The following SIPA1L1 variants were observed in gnomAD, a reference collection of about 807,000 sequenced individuals.
The protein encoded by SIPA1L1 is signal induced proliferation associated 1 like 1.
In SIPA1L1, 26 loss-of-function variants were observed where a neutral mutation model predicts 162.7. The observed-to-expected ratio is 0.16, with a 90% CI of 0.12 to 0.22. The LOEUF (loss-of-function observed/expected upper bound fraction) is 0.22. SIPA1L1 is among the 10% of genes least tolerant of loss of function. The pLI is 1.00. For missense variants in SIPA1L1, 1,874 were observed against 2,241.0 expected (o/e 0.84, Z 3.31); for synonymous variants, 829 against 837.4 (o/e 0.99, Z 0.17).
intron 7 of SIPA1L1, among the ~76,000 whole-genome samples, chr14:71,642,461 G>A (rs1056345453): frequency 7.2e-5 from 11 of 152,168 alleles, no homozygotes; most frequent in African/African-American, 2.7e-4. Context: ...ATTGAGTAGA[G>A]CCTCACAATG....
chr14:71,712,026 G>A (rs2082909930), intron 17 of SIPA1L1, among the ~76,000 whole-genome samples: 1 of 152,152 alleles, frequency 6.6e-6, no homozygotes, highest in Non-Finnish European at 1.5e-5. Flanking sequence ...GAGGAAAGGG[G>A]ACTTAGCCAC....
chr14:71,410,458 T>A (rs2042323251), intron 2 of SIPA1L1, among the ~76,000 whole-genome samples: 1 of 152,162 alleles, frequency 6.6e-6, no homozygotes, highest in African/African-American at 2.4e-5. Context: ...CCCCTAAACG[T>A]TTAGGGTTAA....
At chr14:71,371,185 G>A (rs1331998258) in intron 2 of SIPA1L1, among the ~76,000 whole-genome samples, 1 of 152,096 alleles carries the variant, frequency 6.6e-6, no homozygotes, top group African/African-American at 2.4e-5. Context: ...AGTATTATTA[G>A]TGTGAATAAG....
intron 2 of SIPA1L1, among the ~76,000 whole-genome samples, chr14:71,486,003 A>G (rs1388226042): frequency 6.6e-6 from 1 of 152,208 alleles, no homozygotes; most frequent in Non-Finnish European, 1.5e-5. Context: ...CACCCAGAGT[A>G]GATCAGATGT....
chr14:71,481,422 T>C (rs943990891), intron 2 of SIPA1L1, among the ~76,000 whole-genome samples: 2 of 152,120 alleles, frequency 1.3e-5, no homozygotes, highest in Non-Finnish European at 2.9e-5. Flanking sequence ...GAGGTTGCAG[T>C]GAACTGAGAT....
chr14:71,411,104 A>G (rs2042371752), intron 2 of SIPA1L1, among the ~76,000 whole-genome samples: 1 of 151,856 alleles, frequency 6.6e-6, no homozygotes, highest in Non-Finnish European at 1.5e-5. Context: ...CACACATCAG[A>G]CTTTTCTTTA....
intron 17 of SIPA1L1, among the ~76,000 whole-genome samples, chr14:71,719,226 A>G (rs1225859812): frequency 6.6e-6 from 1 of 152,174 alleles, no homozygotes; most frequent in East Asian, 1.9e-4. Context: ...GGTGTGAGCC[A>G]CTGCACCCAG....
intron 23 of SIPA1L1, among the ~76,000 whole-genome samples, chr14:71,738,582 G>A (rs561673424): frequency 3.3e-5 from 5 of 152,206 alleles, no homozygotes; most frequent in South Asian, 4.1e-4. Context: ...GTCCTCTCCC[G>A]GCCTCCCCAC....
At chr14:71,475,842 T>C (rs1353000259) in intron 2 of SIPA1L1, among the ~76,000 whole-genome samples, 1 of 152,198 alleles carries the variant, frequency 6.6e-6, no homozygotes, top group Non-Finnish European at 1.5e-5. Flanking sequence ...AAGGCTAAAA[T>C]GCCTCCAGTG....
intron 3 of SIPA1L1, among the ~76,000 whole-genome samples, chr14:71,524,367 A>G (rs936516340): frequency 2.6e-5 from 4 of 152,190 alleles, no homozygotes; most frequent in Middle Eastern, 3.4e-3. Flanking sequence ...GTTACTGTTT[A>G]TGTTTCGCTT....
At chr14:71,342,976 A>G (rs140927120) in intron 2 of SIPA1L1, among the ~76,000 whole-genome samples, 230 of 152,354 alleles carry the variant, frequency 1.5e-3, no homozygotes, top group Non-Finnish European at 2.5e-3. Context: ...TGTGCCTTCT[A>G]AATGGCAGAG....
At chr14:71,627,327 A>G (rs1373074410) in intron 7 of SIPA1L1, among the ~76,000 whole-genome samples, 1 of 151,490 alleles carries the variant, frequency 6.6e-6, no homozygotes, top group Non-Finnish European at 1.5e-5. Flanking sequence ...TTGCATATTT[A>G]GTAGAAATGG....
chr14:71,331,523 A>G (rs777669103), intron 2 of SIPA1L1, among the ~76,000 whole-genome samples: 2 of 152,222 alleles, frequency 1.3e-5, no homozygotes, highest in African/African-American at 4.8e-5. Context: ...TCCGGTTTGC[A>G]AAGTACTTTC....
At chr14:71,545,675 AT>A (rs1212824157) in intron 4 of SIPA1L1, among the ~76,000 whole-genome samples, 9 of 151,976 alleles carry the variant, frequency 5.9e-5, no homozygotes, top group Non-Finnish European at 8.8e-5. Context: ...ATCTTTATAC[AT>A]TTTTAAACTC....
At chr14:71,395,550 C>T (rs1406474747) in intron 2 of SIPA1L1, among the ~76,000 whole-genome samples, 1 of 152,166 alleles carries the variant, frequency 6.6e-6, no homozygotes, top group East Asian at 1.9e-4. Flanking sequence ...GTAGTCCCAG[C>T]TACTGGGGGC....
intron 5 of SIPA1L1, among the ~76,000 whole-genome samples, chr14:71,607,194 G>C (rs145661533): frequency 9.7e-4 from 147 of 151,830 alleles, no homozygotes; most frequent in Middle Eastern, 3.4e-3. Context: ...GTGAGGGGCA[G>C]AACTTCACTA....
chr14:71,489,871 T>C (rs1463732278), intron 2 of SIPA1L1, among the ~76,000 whole-genome samples: 6 of 152,102 alleles, frequency 3.9e-5, no homozygotes, highest in Non-Finnish European at 1.5e-5. Context: ...ATGAGAAAGG[T>C]AAGACTAGTG....
chr14:71,716,662 T>G (rs907015864), intron 17 of SIPA1L1, among the ~76,000 whole-genome samples: 5 of 152,220 alleles, frequency 3.3e-5, no homozygotes, highest in African/African-American at 1.2e-4. Context: ...CCCAATCCTG[T>G]GTGGCTCATC....
At chr14:71,493,079 A>C (rs1286280172) in intron 2 of SIPA1L1, among the ~76,000 whole-genome samples, 2 of 152,052 alleles carry the variant, frequency 1.3e-5, no homozygotes, top group East Asian at 3.9e-4. Flanking sequence ...TCCCTCCCCC[A>C]AAACATAGGT....
Sources: allele counts gnomAD v4.1 joint callset (sites outside exome capture counted in the v4.1 genomes callset), GRCh38; gene constraint gnomAD v4.1.1; transcripts MANE v1.5; gene names NCBI Gene and HGNC (gene_info 2026-07-23, HGNC 2026-07-21).